LRRC49: variants seen among roughly 807,000 people sequenced by gnomAD.
LRRC49 encodes leucine rich repeat containing 49.
Under a neutral mutation model 83.3 loss-of-function variants are expected in LRRC49, and 50 were observed. The observed-to-expected ratio is 0.60, with a 90% CI of 0.48 to 0.76. The LOEUF (loss-of-function observed/expected upper bound fraction) is 0.76. LRRC49 is among the 30% of genes least tolerant of loss of function. LRRC49 has a pLI of 0.00. For synonymous variants in LRRC49, 286 were observed against 283.3 expected (o/e 1.01, Z -0.10); for missense variants, 704 against 809.1 (o/e 0.87, Z 1.58).
At chr15:71,045,636 A>T (rs866821964) in intron 15 of LRRC49, among the ~76,000 whole-genome samples, 34 of 152,172 alleles carry the variant, frequency 2.2e-4, no homozygotes, top group African/African-American at 5.6e-4. Flanking sequence ...ATCAAAAAAA[A>T]TTTTATTTTT....
At chr15:71,038,413 G>A (rs1054769239) in intron 15 of LRRC49, among the ~76,000 whole-genome samples, 1 of 152,082 alleles carries the variant, frequency 6.6e-6, no homozygotes, top group Non-Finnish European at 1.5e-5. Context: ...CAGCAGAGCT[G>A]CTGTTGTTAT....
At chr15:70,887,714 G>C (rs75937901), upstream of LRRC49, among the ~76,000 whole-genome samples, 1 of 152,108 alleles carries the variant, frequency 6.6e-6, no homozygotes, top group African/African-American at 2.4e-5. Flanking sequence ...CACCTCTTCT[G>C]TTCCCACACT....
At position 70,923,101 on chromosome 15, in the gene LRRC49, C is replaced by G. The variant is rs183469500; in HGVS notation, c.711+3908C>G. Among the ~76,000 whole-genome samples the G allele has an allele frequency of 3.3e-3, 508 of 152,010 alleles. 1 individual carries two copies. The highest frequency in any genetic ancestry group is 5.0e-3 in the Non-Finnish European group (340 of 67,864). On this transcript the variant is annotated intron_variant, in intron 7 of 15. Coordinates refer to ENST00000260382, the MANE Select transcript of LRRC49 (RefSeq NM_017691.5). ...TTAGTATTTTTCTTATTATTTAGTTCTAAACATTTTGTAAGTTCCATGTTT... is the reference window on the plus strand; with the variant it reads ...TTAGTATTTTTCTTATTATTTAGTTGTAAACATTTTGTAAGTTCCATGTTT...
rs770983634 is a variant in LRRC49 at position 71,049,376 on chromosome 15, A to T, written c.1858-33A>T. 5.5e-5 allele frequency: 77 copies of T among 1,407,998 alleles called. No individual in the cohort carries two copies. The South Asian group carries it at 9.3e-4, about 17-fold the overall frequency. 87.2% of individuals were successfully genotyped at this position (1,407,998 alleles called of 1,614,324 possible). On this transcript the variant is annotated intron_variant, in intron 15 of 15. Transcript: ENST00000260382. The stretch of plus-strand genomic sequence containing the variant: ...TGCTTTGACTTTTGGATTAGTTATG[A>T]TTTAATACAAAACTTTCTCTTTTTT...
chr15:70,944,127 G>C (rs934408454), intron 8 of LRRC49, among the ~76,000 whole-genome samples: 5 of 152,074 alleles, frequency 3.3e-5, no homozygotes, highest in South Asian at 2.1e-4. Flanking sequence ...CATGTATGAG[G>C]AGGGGCCTCT....
intron 1 of LRRC49, chr15:70,859,704 TG>T: frequency 1.5e-6 from 1 of 679,372 alleles, no homozygotes; most frequent in East Asian, 3.3e-5. Flanking sequence ...ATGGCTTCCC[TG>T]GAGGCCACCA....
At position 70,904,744 on chromosome 15, in the gene LRRC49, G is replaced by A. The variant is rs2034229516; in HGVS notation, c.489G>A (p.Leu163=). The change falls in exon 5 of 16, where the codon TTG becomes TTA. Residue 163 remains leucine, a synonymous_variant. Transcript: ENST00000260382. ...TGAGATGTCTTCGTGTCCTTCTGTTGGGGAAAAACAGGTATTCTTTGTAGA... is the reference window on the plus strand; with the variant it reads ...TGAGATGTCTTCGTGTCCTTCTGTTAGGGAAAAACAGGTATTCTTTGTAGA... ...STLRCLRVLL[L]GKNRIKKISN... is the part of the protein sequence containing the mutation. 6.2e-6 allele frequency: 10 copies of A among 1,610,742 alleles called. No individual in the cohort carries two copies. The highest frequency in any genetic ancestry group is 8.5e-6 in the Non-Finnish European group (10 of 1,178,250).
intron 5 of LRRC49, 49 bp downstream of exon 5, chr15:70,904,804 A>C: frequency 7.4e-7 from 1 of 1,359,580 alleles, no homozygotes; most frequent in Non-Finnish European, 1.0e-6. Context: ...GTGTAGGATT[A>C]ATGTGGAGAT....
At chr15:70,975,050 G>A (rs2141214316) in intron 9 of LRRC49, among the ~76,000 whole-genome samples, 1 of 152,282 alleles carries the variant, frequency 6.6e-6, no homozygotes, top group South Asian at 2.1e-4. Context: ...AGTTAATATG[G>A]CTTAAAACAA....
intron 9 of LRRC49, among the ~76,000 whole-genome samples, chr15:70,977,021 A>G (rs1374936167): frequency 3.3e-5 from 5 of 152,180 alleles, no homozygotes; most frequent in African/African-American, 9.7e-5. Flanking sequence ...CTTTTCAAAA[A>G]TCTGATGAAA....
At chr15:70,853,766 C>T (rs1324090137) in intron 1 of LRRC49, 3 of 706,592 alleles carry the variant, frequency 4.2e-6, no homozygotes, top group East Asian at 3.9e-5. Flanking sequence ...GCTGCTTCCC[C>T]GGCGGCGGGG....
At chr15:70,885,302 G>A (rs184371586) in intron 2 of LRRC49, among the ~76,000 whole-genome samples, 1 of 152,308 alleles carries the variant, frequency 6.6e-6, no homozygotes, top group East Asian at 1.9e-4. Flanking sequence ...AAATGGGGCA[G>A]ACGCAATATT....
intron 7 of LRRC49, among the ~76,000 whole-genome samples, chr15:70,931,591 A>T (rs2035410214): frequency 6.6e-6 from 1 of 152,188 alleles, no homozygotes; most frequent in Non-Finnish European, 1.5e-5. Flanking sequence ...TAAACGAGGC[A>T]TGCATGTACC....
upstream of LRRC49, chr15:70,891,769 C>G (rs1214682076): frequency 7.4e-7 from 1 of 1,357,590 alleles, no homozygotes; most frequent in African/African-American, 1.5e-5. Context: ...GGTGCCTTTC[C>G]CAAGGTGACA....
intron 11 of LRRC49, among the ~76,000 whole-genome samples, chr15:71,005,257 A>G (rs1230008837): frequency 2.0e-5 from 3 of 152,056 alleles, no homozygotes; most frequent in African/African-American, 7.2e-5. Flanking sequence ...CTTCCTTTTT[A>G]AAATTGACTT....
chr15:70,923,383 C>T (rs545355442), intron 7 of LRRC49, among the ~76,000 whole-genome samples: 1 of 151,972 alleles, frequency 6.6e-6, no homozygotes, highest in East Asian at 1.9e-4. Context: ...TATTTTGAAG[C>T]TATGTTTCTA....
chr15:70,963,003 T>C (rs1280181645), intron 8 of LRRC49, among the ~76,000 whole-genome samples: 1 of 152,032 alleles, frequency 6.6e-6, no homozygotes, highest in East Asian at 1.9e-4. Flanking sequence ...ATAGTGGTCA[T>C]GCCTGTTAAT....
At chr15:70,895,703 C>A (rs1156507346) in intron 2 of LRRC49, 146 bp from the exon 3 acceptor site, 6 of 520,990 alleles carry the variant, frequency 1.2e-5, no homozygotes, top group Non-Finnish European at 2.0e-5. Flanking sequence ...TATTTTGTGT[C>A]AGTTTTCTTT....
At chr15:70,984,452 G>A in intron 11 of LRRC49, 195 bp downstream of exon 11, 1 of 448,802 alleles carries the variant, frequency 2.2e-6, no homozygotes. Flanking sequence ...TGCTTCATAG[G>A]GCATTTCATA....
Sources: allele counts gnomAD v4.1 joint callset (sites outside exome capture counted in the v4.1 genomes callset), GRCh38; gene constraint gnomAD v4.1.1; transcripts MANE v1.5; gene names NCBI Gene and HGNC (gene_info 2026-07-23, HGNC 2026-07-21).